The following PLXDC2 variants were observed in gnomAD, a reference collection of about 807,000 sequenced individuals.
The protein encoded by PLXDC2 is plexin domain-containing protein 2.
PLXDC2 carries 40 observed loss-of-function variants against 68.9 expected under a neutral mutation model. The ratio of observed to expected loss-of-function variants is 0.58; its 90% CI spans 0.45 to 0.76. PLXDC2 has a LOEUF of 0.76. PLXDC2 is among the 30% of genes least tolerant of loss of function. The pLI is 0.00. For synonymous variants in PLXDC2, 243 were observed against 234.2 expected, an observed-to-expected ratio of 1.04 and a Z score of -0.34; for missense variants, 644 against 661.9, an observed-to-expected ratio of 0.97 and a Z score of 0.30.
chr10:20,071,256 G>A (rs10827953), intron 4 of PLXDC2: 1 of 152,010 alleles, frequency 6.6e-6, no homozygotes, highest in East Asian at 1.9e-4. Context: ...TGAGCCCCTA[G>A]AAAACACAAA....
intron 1 of PLXDC2, among the ~76,000 whole-genome samples, chr10:19,994,480 C>T (rs897129374): frequency 1.3e-5 from 2 of 151,410 alleles, no homozygotes; most frequent in African/African-American, 4.9e-5. Context: ...AGGCACACAC[C>T]ACCATACCCA....
intron 1 of PLXDC2, among the ~76,000 whole-genome samples, chr10:19,976,218 T>C (rs1834452540): frequency 6.6e-6 from 1 of 152,086 alleles, no homozygotes; most frequent in African/African-American, 2.4e-5. Context: ...TTTTTTGTTT[T>C]GTTTTGTTTT....
intron 4 of PLXDC2, among the ~76,000 whole-genome samples, 162 bp from the exon 5 acceptor site, chr10:20,143,133 G>A (rs921017562): frequency 6.6e-6 from 1 of 151,938 alleles, no homozygotes. Context: ...TCCAGACCAA[G>A]TATTGTTAAT....
chr10:19,937,496 G>C (rs1358236019), intron 1 of PLXDC2, among the ~76,000 whole-genome samples: 1 of 141,896 alleles, frequency 7.0e-6, no homozygotes, highest in Non-Finnish European at 1.5e-5. Flanking sequence ...TGTTCCCATG[G>C]TTATAGGAAC....
At chr10:19,855,055 C>T (rs1196866830) in intron 1 of PLXDC2, among the ~76,000 whole-genome samples, 2 of 152,164 alleles carry the variant, frequency 1.3e-5, no homozygotes, top group Non-Finnish European at 2.9e-5. Context: ...ATGTAAATTA[C>T]TTCAGGGCAG....
chr10:19,869,836 G>A (rs1333006885), intron 1 of PLXDC2, among the ~76,000 whole-genome samples: 1 of 151,574 alleles, frequency 6.6e-6, no homozygotes, highest in East Asian at 1.9e-4. Flanking sequence ...CTGCCAGCTC[G>A]CCTTACGTTA....
intron 3 of PLXDC2, among the ~76,000 whole-genome samples, chr10:20,060,826 A>T (rs1836089877): frequency 6.6e-6 from 1 of 152,224 alleles, no homozygotes; most frequent in African/African-American, 2.4e-5. Context: ...AAACAGAGTC[A>T]CTGAAAGCTT....
At chr10:20,264,253 G>C (rs1490840098) in intron 13 of PLXDC2, among the ~76,000 whole-genome samples, 1 of 152,144 alleles carries the variant, frequency 6.6e-6, no homozygotes, top group African/African-American at 2.4e-5. Flanking sequence ...TTATTAGTGG[G>C]AGCTAAATGA....
chr10:20,078,322 G>A (rs1354552009), intron 4 of PLXDC2, among the ~76,000 whole-genome samples: 1 of 152,156 alleles, frequency 6.6e-6, no homozygotes. Flanking sequence ...GTTCAAGGCT[G>A]TAGTTAGCTA....
intron 3 of PLXDC2, among the ~76,000 whole-genome samples, chr10:20,048,336 G>T (rs1377647616): frequency 6.6e-6 from 1 of 152,060 alleles, no homozygotes; most frequent in African/African-American, 2.4e-5. Flanking sequence ...AGAAGCAAAT[G>T]AAGTAGCTGC....
intron 1 of PLXDC2, among the ~76,000 whole-genome samples, chr10:19,988,229 G>A (rs1408314599): frequency 6.6e-6 from 1 of 152,148 alleles, no homozygotes; most frequent in Non-Finnish European, 1.5e-5. Flanking sequence ...TACAGAATTG[G>A]AAAATACCTG....
intron 1 of PLXDC2, among the ~76,000 whole-genome samples, chr10:19,868,715 A>T (rs1837468532): frequency 6.6e-6 from 1 of 152,168 alleles, no homozygotes; most frequent in Non-Finnish European, 1.5e-5. Flanking sequence ...AATAAAATAC[A>T]TTTGTTTTCC....
intron 1 of PLXDC2, among the ~76,000 whole-genome samples, chr10:19,831,476 T>A (rs1836691100): frequency 6.6e-6 from 1 of 152,144 alleles, no homozygotes; most frequent in African/African-American, 2.4e-5. Context: ...TGTGAAGGTT[T>A]GTTATTTAGG....
At chr10:20,006,360 A>G (rs1003783512) in intron 2 of PLXDC2, among the ~76,000 whole-genome samples, 1 of 152,232 alleles carries the variant, frequency 6.6e-6, no homozygotes, top group Non-Finnish European at 1.5e-5. Flanking sequence ...CTAAATACAA[A>G]CAATGAGCTA....
chr10:20,150,307 C>A (rs571646994), intron 6 of PLXDC2, among the ~76,000 whole-genome samples: 8 of 152,214 alleles, frequency 5.3e-5, no homozygotes, highest in Admixed American at 3.3e-4. Flanking sequence ...GATTTACATT[C>A]CTTTGGTTAT....
intron 1 of PLXDC2, among the ~76,000 whole-genome samples, chr10:19,992,038 G>A (rs1834759774): frequency 1.3e-5 from 2 of 152,198 alleles, no homozygotes; most frequent in South Asian, 4.1e-4. Flanking sequence ...AAGATGAATA[G>A]CAGTGTGAAA....
Position 20,211,814 on chromosome 10 carries a change from T to A in PLXDC2, c.1122+85T>A, listed in dbSNP as rs10827997. The A allele has an allele frequency of 2.0e-5, 26 of 1,303,290 alleles. No homozygotes were observed. The East Asian group carries it at 4.1e-4, about 21-fold the overall frequency. 80.7% of individuals were successfully genotyped at this position (1,303,290 alleles called of 1,614,324 possible). A position where few individuals can be genotyped will look rare whatever the true frequency, so the allele number is the denominator to read the frequency against. On this transcript the variant is annotated intron_variant, in intron 10 of 13. Transcript: ENST00000377252. Reference sequence around the variant, plus strand: ...ACTGTTAATAATTTTTATTCAAAATTTATGCCCTAAAACTTAATGAAAGGA... The same window carrying A: ...ACTGTTAATAATTTTTATTCAAAATATATGCCCTAAAACTTAATGAAAGGA...
At chr10:20,030,751 G>A (rs1011886568) in intron 2 of PLXDC2, among the ~76,000 whole-genome samples, 2 of 152,106 alleles carry the variant, frequency 1.3e-5, no homozygotes, top group African/African-American at 4.8e-5. Flanking sequence ...GTTGATTCAG[G>A]TGAGCTCTGA....
At chr10:19,882,923 T>C (rs1053601829) in intron 1 of PLXDC2, among the ~76,000 whole-genome samples, 3 of 145,220 alleles carry the variant, frequency 2.1e-5, no homozygotes, top group East Asian at 2.1e-4. Context: ...CAAGGAAAAT[T>C]TGGCAATTAA....
Sources: allele counts gnomAD v4.1 joint callset (sites outside exome capture counted in the v4.1 genomes callset), GRCh38; gene constraint gnomAD v4.1.1; transcripts MANE v1.5; gene names NCBI Gene and HGNC (gene_info 2026-07-23, HGNC 2026-07-21).